Variants in SCAF11 observed in about 807,000 individuals in gnomAD.
SCAF11 encodes protein SCAF11.
In SCAF11, 47 loss-of-function variants were observed where a neutral mutation model predicts 140.5. The observed-to-expected ratio is 0.33, with a 90% CI of 0.26 to 0.43. SCAF11 has a LOEUF of 0.43. SCAF11 is among the 20% of genes least tolerant of loss of function. SCAF11 has a pLI of 1.00. For missense variants in SCAF11, 1,645 were observed against 1,705.1 expected, an observed-to-expected ratio of 0.96 and a Z score of 0.62; for synonymous variants, 557 against 579.4, an observed-to-expected ratio of 0.96 and a Z score of 0.55.
In SCAF11 at chr12:45,933,354, A is replaced by G. The variant is rs923698909; in HGVS notation, c.633-122T>C. ...GGCATTATGAATCACACTTACAAGC[A>G]TGTGAGCTCTTTTCTATTTAAACAC... On this transcript the variant is annotated intron_variant, in intron 8 of 14. Transcript: ENST00000369367. 8 of 533,186 alleles carry G rather than the reference A, an allele frequency of 1.5e-5. No individual in the cohort carries two copies. In the South Asian group the frequency reaches 2.6e-4, roughly 18 times the overall value. 33.0% of individuals were successfully genotyped at this position (533,186 alleles called of 1,614,324 possible).
Position 45,948,457 on chromosome 12 carries a change from T to C in SCAF11, c.378A>G (p.Glu126=), listed in dbSNP as rs1161806199. ...NSFEKQVSCH[E]NSKSCIRRKA... Reference sequence around the variant, plus strand: ...CTAACCTTATACAGCTTTTAGAATTTTCATGACAGGAGACCTGTTTCTCAA... The same window carrying C: ...CTAACCTTATACAGCTTTTAGAATTCTCATGACAGGAGACCTGTTTCTCAA... The change falls in exon 5 of 15, where the codon GAA becomes GAG. Residue 126 remains glutamate, a synonymous_variant. Transcript: ENST00000369367. 3 of 1,610,104 alleles carry C rather than the reference T, an allele frequency of 1.9e-6. No homozygotes were observed. Among genetic ancestry groups the C allele is most frequent in the Admixed American group, 1.7e-5 (1 of 59,702 alleles).
Position 45,951,367 on chromosome 12 carries a change from C to T in SCAF11, c.297+283G>A, listed in dbSNP as rs11574963. Among the ~76,000 whole-genome samples, 232 of 152,132 alleles carry T rather than the reference C, an allele frequency of 1.5e-3. 2 individuals are homozygous for T. In the East Asian group the frequency reaches 0.036, roughly 24 times the overall value. ...AAATGTTAAGTATTTTATAATTAAG[C>T]CTTAGTACAAAACGTCCTTCAGATT... On this transcript the variant is annotated intron_variant, in intron 4 of 14. Transcript: ENST00000369367.
In SCAF11 at chr12:45,925,612, T is replaced by A. The variant is rs528687303; in HGVS notation, c.3559+530A>T. ...AGAATAAGTTCATGCAAAACATACA[T>A]CAACAATCAGTAGCTCAAGAAACTG... On this transcript the variant is annotated intron_variant, in intron 11 of 14. Coordinates refer to ENST00000369367, the MANE Select transcript of SCAF11 (RefSeq NM_004719.3). Among the ~76,000 whole-genome samples the A allele has an allele frequency of 9.9e-5, 15 of 151,188 alleles. No individual in the cohort carries two copies. The South Asian group carries it at 3.2e-3, about 32-fold the overall frequency.
chr12:45,959,411 T>C (rs1340732294), intron 3 of SCAF11, among the ~76,000 whole-genome samples: 2 of 152,368 alleles, frequency 1.3e-5, no homozygotes, highest in East Asian at 3.9e-4. Context: ...CAAATAAATA[T>C]TAACATAGTG....
In SCAF11 at chr12:45,990,539, T is replaced by G. The variant is rs1592236560; in HGVS notation, c.-208A>C. On this transcript the variant is annotated 5_prime_UTR_variant, in exon 1 of 15. Coordinates refer to ENST00000369367, the MANE Select transcript of SCAF11 (RefSeq NM_004719.3). ...GCGGCGAAGCAGGGAGCGACCCAGGTTGCGCTGCTCCGCGCGGCTTAAGCC... is the reference window on the plus strand; with the variant it reads ...GCGGCGAAGCAGGGAGCGACCCAGGGTGCGCTGCTCCGCGCGGCTTAAGCC... The G allele has an allele frequency of 8.1e-7, 1 of 1,231,772 alleles. No individual in the cohort carries two copies. Among genetic ancestry groups the G allele is most frequent in the Non-Finnish European group, 1.0e-6 (1 of 988,154 alleles). The allele number at this position is 1,231,772 out of a possible 1,614,324, so 76.3% of individuals were successfully genotyped here.
At chr12:45,949,626 G>A (rs1368330543) in intron 4 of SCAF11, among the ~76,000 whole-genome samples, 2 of 152,018 alleles carry the variant, frequency 1.3e-5, no homozygotes, top group African/African-American at 4.8e-5. Context: ...AAACAGATGA[G>A]GGAGAGAAAA....
Position 45,948,439 on chromosome 12 carries a change from T to G in SCAF11, c.396A>C (p.Ile132=), listed in dbSNP as rs1228830111. ...CACTTCTAAAGTTAATCACTAACCTTATACAGCTTTTAGAATTTTCATGAC... is the reference window on the plus strand; with the variant it reads ...CACTTCTAAAGTTAATCACTAACCTGATACAGCTTTTAGAATTTTCATGAC... The part of the protein sequence containing the change: ...VSCHENSKSC[I]RRKAIVREDL... Residue 132 remains isoleucine, a splice_region_variant and synonymous_variant, in exon 5 of 15, where the codon ATA becomes ATC. Transcript: ENST00000369367. 1.3e-6 allele frequency: 2 copies of G among 1,597,118 alleles called. No individual in the cohort carries two copies. The highest frequency in any genetic ancestry group is 2.7e-5 in the African/African-American group (2 of 74,426).
At chr12:45,930,596 C>T (rs575353805) in intron 10 of SCAF11, among the ~76,000 whole-genome samples, 2 of 151,738 alleles carry the variant, frequency 1.3e-5, no homozygotes, top group Admixed American at 6.6e-5. Context: ...GTGGCGGCCA[C>T]AAAAATTGTT....
intron 3 of SCAF11, chr12:45,956,283 A>G: frequency 1.5e-6 from 1 of 646,140 alleles, no homozygotes; most frequent in African/African-American, 1.8e-5. Context: ...GTTTGTGGGA[A>G]TCTCGAACAT....
intron 11 of SCAF11, 50 bp from the exon 12 acceptor site, chr12:45,925,124 T>A: frequency 1.4e-6 from 2 of 1,430,796 alleles, no homozygotes; most frequent in Non-Finnish European, 1.9e-6. Flanking sequence ...TAAATCTCTT[T>A]AGACAGAGAA....
rs753452250 is a variant in SCAF11 at position 45,972,864 on chromosome 12, C to CGATATATATATATATAGATATATATATA, written c.-21-8704_-21-8677dup. On this transcript the variant is annotated intron_variant, in intron 1 of 14. Transcript: ENST00000369367. ...TTAAAGCCAGTATATATATATATAT[C>CGATATATATATATATAGATATATATATA]GATATATATATATATAGATATATAT... Among the ~76,000 whole-genome samples, 102 of 66,308 alleles carry CGATATATATATATATAGATATATATATA rather than the reference C, an allele frequency of 1.5e-3. 2 individuals carry two copies. The highest frequency in any genetic ancestry group is 1.0e-3 in the Admixed American group (6 of 5,776). The allele number at this position is 66,308 out of a possible 152,430, so 43.5% of individuals were successfully genotyped here.
chr12:45,919,385 T>C lies in SCAF11; in HGVS notation c.*2663A>G, dbSNP rs530163346. On this transcript the variant is annotated 3_prime_UTR_variant, in exon 15 of 15. Coordinates refer to ENST00000369367, the MANE Select transcript of SCAF11 (RefSeq NM_004719.3). ...ACAAATTTTAAAAAGCACAAAACTTTTGGAATGTTAATGGATAACTACTAT... is the reference window on the plus strand; with the variant it reads ...ACAAATTTTAAAAAGCACAAAACTTCTGGAATGTTAATGGATAACTACTAT... 2 of 152,668 alleles carry C rather than the reference T, an allele frequency of 1.3e-5. No individual in the cohort carries two copies. The highest frequency in any genetic ancestry group is 2.1e-4 in the South Asian group (1 of 4,828). The allele number at this position is 152,668 out of a possible 1,614,324, so 9.5% of individuals were successfully genotyped here. A position where few individuals can be genotyped will look rare whatever the true frequency, so the allele number is the denominator to read the frequency against.
At chr12:45,953,872 G>A in intron 3 of SCAF11, 1 of 1,027,506 alleles carries the variant, frequency 9.7e-7, no homozygotes, top group Non-Finnish European at 1.3e-6. Flanking sequence ...AAGAAAGTGT[G>A]GCATATACTA....
chr12:45,933,316 C>A lies in SCAF11; in HGVS notation c.633-84G>T, dbSNP rs1212739487. On this transcript the variant is annotated intron_variant, in intron 8 of 14. Coordinates refer to ENST00000369367, the MANE Select transcript of SCAF11 (RefSeq NM_004719.3). ...ATTAGGTTGTACAAAGAATAGCAGT[C>A]GTTTTTGTACCTGGCATTATGAATC... is the stretch of plus-strand genomic sequence containing the variant. 4.9e-6 allele frequency: 4 copies of A among 812,680 alleles called. No homozygotes were observed. In the South Asian group the frequency reaches 7.2e-5, roughly 15 times the overall value. The allele number at this position is 812,680 out of a possible 1,614,324, so 50.3% of individuals were successfully genotyped here.
intron 6 of SCAF11, among the ~76,000 whole-genome samples, chr12:45,940,854 G>C (rs1592182892): frequency 1.3e-5 from 2 of 152,098 alleles, no homozygotes; most frequent in South Asian, 4.2e-4. Flanking sequence ...CCACGCTGGA[G>C]TGCAGTGGCA....
chr12:45,958,014 C>A (rs144074897), intron 3 of SCAF11, among the ~76,000 whole-genome samples: 7 of 152,054 alleles, frequency 4.6e-5, no homozygotes, highest in Non-Finnish European at 1.0e-4. Context: ...AACCTCCCCC[C>A]ATCAGCTTCC....
In SCAF11 at chr12:45,945,252, G is replaced by T; in HGVS notation, c.460C>A (p.His154Asn). 6.4e-7 allele frequency: 1 copy of T among 1,556,172 alleles called. No homozygotes were observed. ...SAKVCDLKWIHRNSLYSETGG... is the reference protein window; with the variant it reads ...SAKVCDLKWINRNSLYSETGG... ...CCACAAGCAAAAAGTAACTTACTAT[G>T]TATCCACTTCAAGTCACAAACTTTT... is the stretch of plus-strand genomic sequence containing the variant. Residue 154 changes from histidine to asparagine, a missense_variant, in exon 6 of 15, where the codon CAT becomes AAT. His to Asn is a moderately conservative substitution (Grantham distance 68). Transcript: ENST00000369367.
At chr12:45,956,448 T>C (rs1945694689) in intron 3 of SCAF11, among the ~76,000 whole-genome samples, 1 of 152,204 alleles carries the variant, frequency 6.6e-6, no homozygotes, top group Non-Finnish European at 1.5e-5. Flanking sequence ...CTAAGACACC[T>C]CACCTGTACT....
chr12:45,940,626 T>C (rs1945273568), intron 6 of SCAF11, among the ~76,000 whole-genome samples: 1 of 152,250 alleles, frequency 6.6e-6, no homozygotes, highest in Non-Finnish European at 1.5e-5. Context: ...AGTTATCTTA[T>C]TAACCTCCTC....
Sources: gnomAD v4.1 joint callset for allele counts (sites outside exome capture counted in the v4.1 genomes callset) on GRCh38, gnomAD v4.1.1 for gene constraint, MANE v1.5 for transcripts, NCBI Gene and HGNC (gene_info 2026-07-23, HGNC 2026-07-21) for gene names.